The following TTC28 variants were observed in gnomAD, a reference collection of about 807,000 sequenced individuals.
TTC28 encodes the protein tetratricopeptide repeat protein 28.
In TTC28, 61 loss-of-function variants were observed where a neutral mutation model predicts 198.0. The observed-to-expected ratio is 0.31, with a 90% CI of 0.25 to 0.38. The LOEUF (loss-of-function observed/expected upper bound fraction) is 0.38. TTC28 is among the 10% of genes least tolerant of loss of function. TTC28 has a pLI of 1.00. For synonymous variants in TTC28, 1,171 were observed against 1,297.8 expected, an observed-to-expected ratio of 0.90 and a Z score of 2.10; for missense variants, 2,678 against 3,164.0, an observed-to-expected ratio of 0.85 and a Z score of 3.69.
At position 28,194,481 on chromosome 22, in the gene TTC28, A is replaced by C. The variant is rs1925196987; in HGVS notation, c.934-30882T>G. On this transcript the variant is annotated intron_variant, in intron 5 of 22. Transcript: ENST00000397906. ...GACATAAAAAACCCTTCAAAAAATC[A>C]AGGAATCCAGGAGCTGGTTTTTTGA... Among the ~76,000 whole-genome samples the C allele has an allele frequency of 2.0e-5, 3 of 152,284 alleles. No individual in the cohort carries two copies. In the South Asian group the frequency reaches 6.2e-4, roughly 32 times the overall value.
At chr22:28,271,213 A>G (rs1001779830) in intron 5 of TTC28, among the ~76,000 whole-genome samples, 2 of 151,682 alleles carry the variant, frequency 1.3e-5, no homozygotes, top group Non-Finnish European at 2.9e-5. Context: ...CTGGGATTAT[A>G]GGCATGCACC....
intron 12 of TTC28, among the ~76,000 whole-genome samples, chr22:28,070,480 A>G (rs1484632810): frequency 6.6e-6 from 1 of 152,154 alleles, no homozygotes; most frequent in Non-Finnish European, 1.5e-5. Flanking sequence ...TATCCAAAAC[A>G]TCATTAAAAG....
intron 12 of TTC28, among the ~76,000 whole-genome samples, chr22:28,046,621 G>C (rs1297554399): frequency 6.6e-6 from 1 of 152,136 alleles, no homozygotes; most frequent in Admixed American, 6.5e-5. Flanking sequence ...CCCACAAAGT[G>C]AGCACTACTA....
chr22:28,049,135 G>C (rs1939980633), intron 12 of TTC28, among the ~76,000 whole-genome samples: 1 of 152,168 alleles, frequency 6.6e-6, no homozygotes, highest in Non-Finnish European at 1.5e-5. Context: ...TCAGGCCTTG[G>C]CTACAGCAGA....
chr22:28,150,754 C>T (rs1943586717), intron 6 of TTC28, among the ~76,000 whole-genome samples: 1 of 152,148 alleles, frequency 6.6e-6, no homozygotes, highest in Non-Finnish European at 1.5e-5. Context: ...GGTGCCAGTG[C>T]CAGGTGTGGG....
At chr22:28,656,696 C>T (rs2051660833) in intron 1 of TTC28, among the ~76,000 whole-genome samples, 1 of 152,154 alleles carries the variant, frequency 6.6e-6, no homozygotes, top group Admixed American at 6.6e-5. Context: ...TTAATCATCT[C>T]GTGCTACTCT....
chr22:28,402,026 T>G (rs545294057), intron 2 of TTC28, among the ~76,000 whole-genome samples: 2 of 152,334 alleles, frequency 1.3e-5, no homozygotes, highest in Admixed American at 1.3e-4. Context: ...GGTCCAAATT[T>G]AAAGTCTGAC....
intron 5 of TTC28, among the ~76,000 whole-genome samples, chr22:28,281,259 A>G (rs2044577420): frequency 6.6e-6 from 1 of 152,132 alleles, no homozygotes; most frequent in South Asian, 2.1e-4. Context: ...ATATTGTCCC[A>G]TAAGACACTG....
intron 2 of TTC28, among the ~76,000 whole-genome samples, chr22:28,543,668 C>G (rs2049470004): frequency 2.6e-5 from 4 of 152,014 alleles, no homozygotes; most frequent in African/African-American, 9.7e-5. Flanking sequence ...ACAATTCTAT[C>G]AAATATTTAA....
intron 2 of TTC28, among the ~76,000 whole-genome samples, chr22:28,413,033 C>T (rs1238494556): frequency 6.6e-6 from 1 of 152,174 alleles, no homozygotes; most frequent in Non-Finnish European, 1.5e-5. Flanking sequence ...AAAATCATCT[C>T]ACTCGCTGTG....
intron 5 of TTC28, among the ~76,000 whole-genome samples, chr22:28,200,257 A>G (rs1308627635): frequency 6.6e-6 from 1 of 152,078 alleles, no homozygotes; most frequent in African/African-American, 2.4e-5. Context: ...GCCTGGCAGT[A>G]AACTTTTATC....
intron 12 of TTC28, among the ~76,000 whole-genome samples, chr22:28,068,262 A>C (rs1207014176): frequency 1.3e-5 from 2 of 151,906 alleles, no homozygotes; most frequent in African/African-American, 4.8e-5. Flanking sequence ...TCAAGTTCTG[A>C]CTCTGTCATT....
Position 28,565,468 on chromosome 22 carries a change from C to T in TTC28, c.381+64084G>A, listed in dbSNP as rs1040155324. 9.2e-5 allele frequency among the ~76,000 whole-genome samples: 14 copies of T among 152,222 alleles called. 1 individual carries two copies. The highest frequency in any genetic ancestry group is 1.4e-4 in the African/African-American group (6 of 41,554). On this transcript the variant is annotated intron_variant, in intron 2 of 22. Coordinates refer to ENST00000397906, the MANE Select transcript of TTC28 (RefSeq NM_001145418.2). ...TTCACATAATCCATCTTTCAAAGAA[C>T]GAGATCAAATCCAAGAGTTCCCAAA...
At chr22:28,403,122 C>T (rs1409647847) in intron 2 of TTC28, among the ~76,000 whole-genome samples, 1 of 152,110 alleles carries the variant, frequency 6.6e-6, no homozygotes, top group African/African-American at 2.4e-5. Context: ...TTAAGCAAAC[C>T]AGGAGAAGTA....
intron 13 of TTC28, among the ~76,000 whole-genome samples, chr22:28,024,548 G>A (rs996516241): frequency 3.9e-5 from 6 of 152,156 alleles, no homozygotes; most frequent in Admixed American, 2.0e-4. Context: ...ACAAAACTGC[G>A]CCCCAGCCAG....
chr22:28,630,230 T>C (rs1222754703), intron 1 of TTC28, among the ~76,000 whole-genome samples: 1 of 152,162 alleles, frequency 6.6e-6, no homozygotes, highest in Non-Finnish European at 1.5e-5. Context: ...ATCATCAAAA[T>C]CATAAGCCAA....
At chr22:28,442,357 C>A (rs1010564305) in intron 2 of TTC28, among the ~76,000 whole-genome samples, 1 of 152,352 alleles carries the variant, frequency 6.6e-6, no homozygotes, top group African/African-American at 2.4e-5. Context: ...AGGCAGGAGG[C>A]CTCTCGGCCC....
At chr22:28,134,583 G>C (rs898648310) in intron 6 of TTC28, among the ~76,000 whole-genome samples, 4 of 152,188 alleles carry the variant, frequency 2.6e-5, no homozygotes, top group Non-Finnish European at 5.9e-5. Flanking sequence ...CGATCAAGTG[G>C]AAGAAAGGGT....
chr22:28,383,404 A>G (rs1268563485), intron 2 of TTC28, among the ~76,000 whole-genome samples: 1 of 152,186 alleles, frequency 6.6e-6, no homozygotes. Context: ...TTGTGATTTC[A>G]GGGTAACTGG....
Sources: gnomAD v4.1 joint callset for allele counts (sites outside exome capture counted in the v4.1 genomes callset) on GRCh38, gnomAD v4.1.1 for gene constraint, MANE v1.5 for transcripts, NCBI Gene and HGNC (gene_info 2026-07-23, HGNC 2026-07-21) for gene names.